Variants in MICU2 observed in about 807,000 individuals in gnomAD.
The protein encoded by MICU2 is mitochondrial calcium uptake 2.
MICU2 carries 64 observed loss-of-function variants against 60.4 expected under a neutral mutation model. The observed-to-expected ratio is 1.06, with a 90% CI of 0.87 to 1.31. The LOEUF (loss-of-function observed/expected upper bound fraction) is 1.31. Ranked by LOEUF, MICU2 falls within the 50% of genes most tolerant of loss-of-function variation. MICU2 has a pLI of 0.00. For missense variants in MICU2, 569 were observed against 531.0 expected, an observed-to-expected ratio of 1.07 and a Z score of -0.70; for synonymous variants, 201 against 175.0, an observed-to-expected ratio of 1.15 and a Z score of -1.17.
At chr13:21,568,878 A>T (rs1452182501) in intron 1 of MICU2, among the ~76,000 whole-genome samples, 1 of 151,912 alleles carries the variant, frequency 6.6e-6, no homozygotes, top group East Asian at 1.9e-4. Context: ...TAGACCCCAC[A>T]AACTCCTCTA....
At chr13:21,593,283 A>T (rs1377653887) in intron 1 of MICU2, among the ~76,000 whole-genome samples, 1 of 152,150 alleles carries the variant, frequency 6.6e-6, no homozygotes, top group Non-Finnish European at 1.5e-5. Flanking sequence ...GAGAATAAAA[A>T]TACCTAGGAA....
chr13:21,559,627 C>T (rs141202560), intron 2 of MICU2, among the ~76,000 whole-genome samples: 11 of 151,716 alleles, frequency 7.3e-5, no homozygotes, highest in African/African-American at 2.4e-4. Flanking sequence ...TGGGTTCAAG[C>T]GATTCTCCTG....
intron 7 of MICU2, among the ~76,000 whole-genome samples, chr13:21,512,339 T>C (rs111234309): frequency 6.6e-6 from 1 of 152,336 alleles, no homozygotes; most frequent in African/African-American, 2.4e-5. Flanking sequence ...TCTTTATATA[T>C]ACTGATAGAC....
chr13:21,589,831 T>C (rs1237530660), intron 1 of MICU2, among the ~76,000 whole-genome samples: 1 of 152,202 alleles, frequency 6.6e-6, no homozygotes, highest in African/African-American at 2.4e-5. Flanking sequence ...GTTTAGCCTG[T>C]GCAGTCTAAC....
intron 2 of MICU2, 70 bp downstream of exon 2, chr13:21,566,727 T>A: frequency 7.8e-7 from 1 of 1,280,576 alleles, no homozygotes. Context: ...CTGTTATCAA[T>A]CCTGAAAAAC....
At chr13:21,559,572 T>C (rs1887790794) in intron 2 of MICU2, among the ~76,000 whole-genome samples, 1 of 151,738 alleles carries the variant, frequency 6.6e-6, no homozygotes, top group South Asian at 2.1e-4. Flanking sequence ...TTGCCCAGGC[T>C]GAAGTGCAGT....
chr13:21,510,368 CA>C (rs370678239), intron 7 of MICU2, among the ~76,000 whole-genome samples: 44 of 151,986 alleles, frequency 2.9e-4, no homozygotes, highest in African/African-American at 9.9e-4. Context: ...TAGATCAGGC[CA>C]AAAAGGAAGT....
At chr13:21,572,414 C>T (rs189015832) in intron 1 of MICU2, among the ~76,000 whole-genome samples, 163 of 152,194 alleles carry the variant, frequency 1.1e-3, no homozygotes, top group African/African-American at 3.7e-3. Context: ...GTGAGACTTC[C>T]GTTAGTGCCA....
At chr13:21,561,768 G>GGTCA (rs1887849315) in intron 2 of MICU2, among the ~76,000 whole-genome samples, 1 of 141,094 alleles carries the variant, frequency 7.1e-6, no homozygotes, top group Non-Finnish European at 1.5e-5. Flanking sequence ...ACAATGTGCA[G>GGTCA]GTTACATATG....
chr13:21,561,941 T>C (rs1486301332), intron 2 of MICU2, among the ~76,000 whole-genome samples: 1 of 142,972 alleles, frequency 7.0e-6, no homozygotes, highest in African/African-American at 2.6e-5. Flanking sequence ...AATTCCCATC[T>C]ATGAGTGAGA....
chr13:21,585,659 T>C (rs1202881404), intron 1 of MICU2, among the ~76,000 whole-genome samples: 1 of 152,206 alleles, frequency 6.6e-6, no homozygotes, highest in Non-Finnish European at 1.5e-5. Flanking sequence ...ATCCATCTTA[T>C]TAACTACATT....
chr13:21,558,976 C>A (rs1887773913), intron 2 of MICU2, among the ~76,000 whole-genome samples: 2 of 152,130 alleles, frequency 1.3e-5, no homozygotes, highest in Non-Finnish European at 2.9e-5. Context: ...ACCCTCTGTT[C>A]TTGGCTGCAC....
At chr13:21,501,407 C>T (rs1397180365) in intron 9 of MICU2, among the ~76,000 whole-genome samples, 2 of 152,020 alleles carry the variant, frequency 1.3e-5, no homozygotes, top group East Asian at 1.9e-4. Flanking sequence ...GGACTACAGG[C>T]ACCTGCCACC....
chr13:21,519,725 C>A (rs1250104636), intron 6 of MICU2, among the ~76,000 whole-genome samples: 1 of 152,134 alleles, frequency 6.6e-6, no homozygotes, highest in Non-Finnish European at 1.5e-5. Flanking sequence ...GTTGCTCAAG[C>A]CCAACATTTC....
chr13:21,499,950 C>A (rs1056646257), intron 9 of MICU2, among the ~76,000 whole-genome samples: 1 of 152,088 alleles, frequency 6.6e-6, no homozygotes, highest in Admixed American at 6.6e-5. Flanking sequence ...GTTTGTATAG[C>A]GGACAGCACT....
At chr13:21,502,836 A>G in intron 9 of MICU2, 90 bp downstream of exon 9, 1 of 1,219,978 alleles carries the variant, frequency 8.2e-7, no homozygotes, top group Non-Finnish European at 1.2e-6. Flanking sequence ...AGGGTAGCAC[A>G]GTCTTGGTTA....
At chr13:21,501,514 G>T (rs936056060) in intron 9 of MICU2, among the ~76,000 whole-genome samples, 2 of 152,100 alleles carry the variant, frequency 1.3e-5, no homozygotes, top group Non-Finnish European at 2.9e-5. Context: ...TGCCCGCCTT[G>T]GCCTCCCAAA....
intron 2 of MICU2, among the ~76,000 whole-genome samples, chr13:21,540,103 G>A (rs527420402): frequency 6.6e-6 from 1 of 152,072 alleles, no homozygotes; most frequent in South Asian, 2.1e-4. Context: ...TTTGAACTCT[G>A]GAAAGTCCTC....
At chr13:21,510,441 G>A (rs1261527711) in intron 7 of MICU2, among the ~76,000 whole-genome samples, 4 of 152,170 alleles carry the variant, frequency 2.6e-5, no homozygotes, top group African/African-American at 9.7e-5. Context: ...TAATGAAGCA[G>A]CACTGAGAGA....
Sources: gnomAD v4.1 joint callset for allele counts (sites outside exome capture counted in the v4.1 genomes callset) on GRCh38, gnomAD v4.1.1 for gene constraint, MANE v1.5 for transcripts, NCBI Gene and HGNC (gene_info 2026-07-23, HGNC 2026-07-21) for gene names.